Variants in NFATC3 observed in about 807,000 individuals in gnomAD.
NFATC3 encodes the protein nuclear factor of activated T cells 3, also known as nuclear factor of activated T-cells, cytoplasmic 3.
NFATC3 carries 46 observed loss-of-function variants against 98.6 expected under a neutral mutation model. The observed-to-expected ratio is 0.47, with a 90% CI of 0.37 to 0.60. The LOEUF (loss-of-function observed/expected upper bound fraction) is 0.60. Ranked by LOEUF, NFATC3 falls within the 20% of genes least tolerant of loss-of-function variation. NFATC3 has a pLI of 0.00. For synonymous variants in NFATC3, 512 were observed against 472.2 expected, an observed-to-expected ratio of 1.08 and a Z score of -1.09; for missense variants, 1,256 against 1,295.5, an observed-to-expected ratio of 0.97 and a Z score of 0.47.
intron 9 of NFATC3, chr16:68,221,500 A>G (rs1368728178): frequency 3.1e-5 from 39 of 1,265,952 alleles, no homozygotes; most frequent in Non-Finnish European, 3.7e-5. Context: ...CAAGTCCCCA[A>G]ATTGTTTTAA....
intron 1 of NFATC3, among the ~76,000 whole-genome samples, chr16:68,095,376 A>C (rs2034964498): frequency 7.7e-6 from 1 of 129,892 alleles, no homozygotes; most frequent in South Asian, 2.4e-4. Context: ...TTTTTGAGAC[A>C]GAGTCTCACT....
Position 68,226,332 on chromosome 16 carries a change from C to T in NFATC3, c.3107-18C>T. 2 of 1,570,114 alleles carry T rather than the reference C, an allele frequency of 1.3e-6. No individual in the cohort carries two copies. The highest frequency in any genetic ancestry group is 1.7e-6 in the Non-Finnish European group (2 of 1,162,850). On this transcript the variant is annotated intron_variant, in intron 9 of 9. Coordinates refer to ENST00000346183, the MANE Select transcript of NFATC3 (RefSeq NM_173165.3). ...CACTCAGAGGTCACTAATCACTCTC[C>T]CTTTTCTTGTTTTTCAGTGAACGAG...
chr16:68,160,487 A>T (rs906230148), intron 4 of NFATC3, among the ~76,000 whole-genome samples: 2 of 152,106 alleles, frequency 1.3e-5, no homozygotes, highest in Non-Finnish European at 2.9e-5. Flanking sequence ...AAAAAACCTT[A>T]TTCTGTTAAT....
intron 9 of NFATC3, among the ~76,000 whole-genome samples, chr16:68,206,665 C>T (rs2041158123): frequency 1.3e-5 from 2 of 152,112 alleles, no homozygotes; most frequent in African/African-American, 4.8e-5. Context: ...TACACCACAT[C>T]TTGTTTATCC....
At chr16:68,195,007 CT>C (rs2040600818) in intron 9 of NFATC3, among the ~76,000 whole-genome samples, 2 of 151,860 alleles carry the variant, frequency 1.3e-5, no homozygotes, top group South Asian at 4.2e-4. Context: ...AAACTCAGCA[CT>C]TTGGGAGGCT....
chr16:68,218,562 A>G (rs1393661233), intron 9 of NFATC3, among the ~76,000 whole-genome samples: 1 of 134,934 alleles, frequency 7.4e-6, no homozygotes, highest in African/African-American at 2.7e-5. Context: ...TCCTGTATTT[A>G]GTTTAGATGG....
chr16:68,126,419 A>C, intron 2 of NFATC3, 29 bp from the exon 3 acceptor site: 1 of 1,590,566 alleles, frequency 6.3e-7, no homozygotes, highest in East Asian at 2.2e-5. Flanking sequence ...TAGCATGGTG[A>C]CATGCATCTT....
chr16:68,182,224 G>C (rs2039978200), intron 7 of NFATC3, among the ~76,000 whole-genome samples: 1 of 152,282 alleles, frequency 6.6e-6, no homozygotes, highest in East Asian at 1.9e-4. Flanking sequence ...CAAGTCCTTA[G>C]GAATTGTGTA....
intron 9 of NFATC3, among the ~76,000 whole-genome samples, chr16:68,198,330 A>G (rs2040759502): frequency 6.6e-6 from 1 of 152,162 alleles, no homozygotes; most frequent in African/African-American, 2.4e-5. Flanking sequence ...AAAATAAAGT[A>G]GTTATAGAGC....
chr16:68,102,295 C>T (rs1489552041), intron 1 of NFATC3, among the ~76,000 whole-genome samples: 3 of 149,484 alleles, frequency 2.0e-5, no homozygotes, highest in African/African-American at 2.5e-5. Flanking sequence ...TCGCTTGAAC[C>T]CAGGAGGCAG....
In NFATC3 at chr16:68,140,756, C is replaced by A. The variant is rs115785686; in HGVS notation, c.1401+14146C>A. On this transcript the variant is annotated intron_variant, in intron 3 of 9. Transcript: ENST00000346183. The stretch of plus-strand genomic sequence containing the variant: ...ATCTTGGACAGTGCTGGTTTAGAAG[C>A]CCATAAGACAGAGAGACTATAGTAT... Among the ~76,000 whole-genome samples the A allele has an allele frequency of 2.7e-3, 403 of 151,938 alleles. 3 individuals carry two copies. Among genetic ancestry groups the A allele is most frequent in the African/African-American group, 9.2e-3 (380 of 41,452 alleles).
rs769685263 is a variant in NFATC3, at chr16:68,122,527, C to G, written c.644C>G (p.Ser215Cys). The change falls in exon 2 of 10, where the codon TCT becomes TGT. Residue 215 changes from serine (S) to cysteine (C), a missense_variant. This residue lies in a region of NFATC3 where 464 missense variants were observed against 465.7 expected (regional missense o/e 1.00). Transcript: ENST00000346183. The part of the protein sequence containing the change: ...LGSPLTSPGG[S>C]PGGCPGEETW... The stretch of plus-strand genomic sequence containing the variant: ...TCCCCTCTGACTTCTCCTGGTGGCT[C>G]TCCAGGGGGCTGCCCTGGAGAAGAA... 1.9e-6 allele frequency: 3 copies of G among 1,614,182 alleles called. No homozygotes were observed. Among genetic ancestry groups the G allele is most frequent in the Non-Finnish European group, 2.5e-6 (3 of 1,180,030 alleles).
At chr16:68,160,212 G>T (rs990525452) in intron 4 of NFATC3, among the ~76,000 whole-genome samples, 1 of 152,052 alleles carries the variant, frequency 6.6e-6, no homozygotes, top group African/African-American at 2.4e-5. Flanking sequence ...AATAAGAGTT[G>T]CCTCAATACA....
Position 68,122,393 on chromosome 16 carries a change from C to G in NFATC3, c.510C>G (p.Ile170Met). 2 of 1,614,162 alleles carry G rather than the reference C, an allele frequency of 1.2e-6. No individual in the cohort carries two copies. The highest frequency in any genetic ancestry group is 8.5e-7 in the Non-Finnish European group (1 of 1,180,020). Residue 170 changes from isoleucine (I) to methionine (M), a missense_variant, in exon 2 of 10, where the codon ATC becomes ATG. Physicochemically the swap from Ile to Met is conservative, Grantham distance 10 (BLOSUM62 1). Around this residue, in one of 3 missense-constraint regions of NFATC3, gnomAD observed 464 missense variants for 465.7 expected, o/e 1.00. Transcript: ENST00000346183. ...SSLSPSPASS[I>M]SSRSWFSDAS... The stretch of plus-strand genomic sequence containing the variant: ...TTAGTCCTAGTCCTGCCAGCAGCAT[C>G]TCTTCTAGGAGTTGGTTCTCTGATG...
chr16:68,188,991 A>G (rs1484992574), intron 8 of NFATC3, among the ~76,000 whole-genome samples: 1 of 152,160 alleles, frequency 6.6e-6, no homozygotes, highest in African/African-American at 2.4e-5. Context: ...TACAGGTGTG[A>G]GCCACTGCGC....
intron 5 of NFATC3, among the ~76,000 whole-genome samples, chr16:68,167,543 A>G (rs960922644): frequency 6.6e-6 from 1 of 152,178 alleles, no homozygotes; most frequent in Non-Finnish European, 1.5e-5. Context: ...GCAGCCTGAC[A>G]TGTACTCAAT....
Position 68,134,210 on chromosome 16 carries a change from TTG to T in NFATC3, c.1401+7603_1401+7604del, listed in dbSNP as rs1227876878. ...TGTTTGTTCACATCTTTTGAACTTT[TTG>T]TGATAGTGGCACAATCACGACCCAT... On this transcript the variant is annotated intron_variant, in intron 3 of 9. Transcript: ENST00000346183. Among the ~76,000 whole-genome samples the T allele has an allele frequency of 2.6e-5, 4 of 152,346 alleles. No homozygotes were observed. In the East Asian group the frequency reaches 7.7e-4, roughly 29 times the overall value.
Position 68,190,900 on chromosome 16 carries a change from A to G in NFATC3, c.2231A>G (p.Gln744Arg). Residue 744 changes from glutamine to arginine, a missense_variant, in exon 9 of 10, where the codon CAG becomes CGG. Around this residue, in one of 3 missense-constraint regions of NFATC3, gnomAD observed 636 missense variants for 617.3 expected, o/e 1.03. Coordinates refer to ENST00000346183, the MANE Select transcript of NFATC3 (RefSeq NM_173165.3). Reference sequence around the variant, plus strand: ...TCACATGACAGTGTACTGTCAGGACAGAGAAGTTTGATTTGCTCCATCCCA... The same window carrying G: ...TCACATGACAGTGTACTGTCAGGACGGAGAAGTTTGATTTGCTCCATCCCA... The part of the protein sequence containing the change: ...GCSHDSVLSG[Q>R]RSLICSIPQT... 6.2e-7 allele frequency: 1 copy of G among 1,614,230 alleles called. No homozygotes were observed. The highest frequency in any genetic ancestry group is 1.3e-5 in the African/African-American group (1 of 75,052).
intron 6 of NFATC3, among the ~76,000 whole-genome samples, chr16:68,180,661 C>A (rs2039914187): frequency 1.3e-5 from 2 of 152,086 alleles, no homozygotes. Context: ...TTCCCCCACC[C>A]CACGACAGGC....
Sources: allele counts gnomAD v4.1 joint callset (sites outside exome capture counted in the v4.1 genomes callset), GRCh38; gene constraint gnomAD v4.1.1; regional missense constraint gnomAD v4.1.1; transcripts MANE v1.5; gene names NCBI Gene and HGNC (gene_info 2026-07-23, HGNC 2026-07-21).